DLG2: variants seen among roughly 807,000 people sequenced by gnomAD.
The protein encoded by DLG2 is disks large homolog 2.
DLG2 carries 45 observed loss-of-function variants against 132.5 expected under a neutral mutation model. That is an observed-to-expected ratio of 0.34 (90% CI 0.27 to 0.44). The LOEUF is 0.44. Ranked by LOEUF, DLG2 falls within the 20% of genes least tolerant of loss-of-function variation. The probability of loss-of-function intolerance (pLI) is 1.00; values close to 1 mark genes in which losing one functional copy is unlikely to be tolerated. For synonymous variants in DLG2, 424 were observed against 419.6 expected, an observed-to-expected ratio of 1.01 and a Z score of -0.13; for missense variants, 1,045 against 1,196.9, an observed-to-expected ratio of 0.87 and a Z score of 1.87.
intron 11 of DLG2, among the ~76,000 whole-genome samples, chr11:84,023,966 T>C (rs998873267): frequency 3.3e-5 from 5 of 152,180 alleles, no homozygotes; most frequent in Non-Finnish European, 5.9e-5. Context: ...GAATATCGTA[T>C]ATAATACATA....
At chr11:85,222,671 G>A (rs1452336507) in intron 4 of DLG2, among the ~76,000 whole-genome samples, 1 of 152,188 alleles carries the variant, frequency 6.6e-6, no homozygotes, top group Non-Finnish European at 1.5e-5. Context: ...CCCAGAGACT[G>A]TGCTTTTAAC....
chr11:84,503,410 T>C (rs569577973), intron 7 of DLG2, among the ~76,000 whole-genome samples: 5 of 152,302 alleles, frequency 3.3e-5, no homozygotes, highest in African/African-American at 9.6e-5. Flanking sequence ...TGAGTGAAGA[T>C]GATTTGAAGC....
intron 7 of DLG2, among the ~76,000 whole-genome samples, chr11:84,425,645 C>T (rs142144364): frequency 2.6e-5 from 4 of 152,128 alleles, no homozygotes; most frequent in Non-Finnish European, 5.9e-5. Flanking sequence ...GCTGAGATAA[C>T]AAGAGACAAA....
intron 18 of DLG2, among the ~76,000 whole-genome samples, chr11:83,649,478 G>A (rs2069360076): frequency 2.0e-5 from 3 of 152,134 alleles, no homozygotes; most frequent in African/African-American, 7.2e-5. Context: ...TTCTTTCTAT[G>A]CACAGAATGT....
intron 6 of DLG2, among the ~76,000 whole-genome samples, chr11:85,045,991 G>C (rs1329232919): frequency 2.0e-5 from 3 of 151,904 alleles, no homozygotes; most frequent in African/African-American, 7.3e-5. Flanking sequence ...TCTAAAACTA[G>C]GCCTACAATT....
chr11:83,606,408 G>T (rs1316133489), intron 19 of DLG2, among the ~76,000 whole-genome samples: 5 of 152,158 alleles, frequency 3.3e-5, no homozygotes, highest in African/African-American at 1.2e-4. Context: ...TTAGATGGGT[G>T]CAGCCAGAAG....
At chr11:84,123,199 A>G (rs1488584781) in intron 9 of DLG2, among the ~76,000 whole-genome samples, 1 of 152,208 alleles carries the variant, frequency 6.6e-6, no homozygotes, top group Non-Finnish European at 1.5e-5. Context: ...GCAAAAGGGC[A>G]TAATAATACT....
At chr11:84,566,580 G>A (rs1183876612) in intron 6 of DLG2, among the ~76,000 whole-genome samples, 1 of 152,126 alleles carries the variant, frequency 6.6e-6, no homozygotes, top group African/African-American at 2.4e-5. Context: ...TAAGCACTAA[G>A]GTTAAAAGGC....
chr11:85,104,872 C>CAAAAAAA (rs56043190), intron 6 of DLG2, among the ~76,000 whole-genome samples: 15 of 56,044 alleles, frequency 2.7e-4, no homozygotes, highest in African/African-American at 8.9e-4. Flanking sequence ...GGCTGAATGG[C>CAAAAAAA]AAAAAAAAAA....
chr11:83,958,071 C>A (rs1022161541), intron 14 of DLG2, among the ~76,000 whole-genome samples: 1 of 152,282 alleles, frequency 6.6e-6, no homozygotes, highest in South Asian at 2.1e-4. Context: ...GGGCAAGCAC[C>A]TTGACCAGTT....
At chr11:83,507,233 T>TA (rs2094750458) in intron 21 of DLG2, among the ~76,000 whole-genome samples, 1 of 152,018 alleles carries the variant, frequency 6.6e-6, no homozygotes, top group Admixed American at 6.6e-5. Context: ...TCCATGCTAC[T>TA]AGAAGTAGGG....
At chr11:84,420,586 T>C (rs1222549788) in intron 7 of DLG2, among the ~76,000 whole-genome samples, 1 of 149,470 alleles carries the variant, frequency 6.7e-6, no homozygotes, top group Non-Finnish European at 1.5e-5. Flanking sequence ...ATCAGGCCTT[T>C]AGAATGAGAT....
chr11:83,763,593 G>T (rs78761753), intron 18 of DLG2, among the ~76,000 whole-genome samples: 2,690 of 152,250 alleles, frequency 0.018, 83 homozygotes, highest in African/African-American at 0.061. Flanking sequence ...AAATGTGAAT[G>T]ATCACCATAT....
intron 3 of DLG2, among the ~76,000 whole-genome samples, chr11:85,350,073 G>T (rs1596435820): frequency 6.6e-6 from 1 of 152,188 alleles, no homozygotes; most frequent in Non-Finnish European, 1.5e-5. Flanking sequence ...TCCAGCATCT[G>T]TTGTTTCCTG....
intron 9 of DLG2, among the ~76,000 whole-genome samples, chr11:84,108,873 T>A (rs184944697): frequency 1.3e-5 from 2 of 152,186 alleles, no homozygotes; most frequent in African/African-American, 4.8e-5. Context: ...ATTTGAGGCA[T>A]AATTTGAAGG....
intron 15 of DLG2, among the ~76,000 whole-genome samples, chr11:83,874,839 T>A (rs1488193826): frequency 6.6e-6 from 1 of 152,158 alleles, no homozygotes; most frequent in Admixed American, 6.5e-5. Context: ...AAGAGTTAAT[T>A]TTTTTATAAT....
intron 6 of DLG2, among the ~76,000 whole-genome samples, chr11:84,710,831 A>C (rs2060300355): frequency 6.6e-6 from 1 of 151,384 alleles, no homozygotes; most frequent in Non-Finnish European, 1.5e-5. Flanking sequence ...CACAAATGGA[A>C]GTTTCAAAAA....
chr11:84,787,939 C>CAAAA (rs35771669), intron 6 of DLG2, among the ~76,000 whole-genome samples: 36,986 of 140,468 alleles, frequency 0.26, 5,293 homozygotes, highest in Middle Eastern at 0.31. Context: ...TCTCTACTTA[C>CAAAA]AAAAAAAAAA....
At chr11:85,476,106 T>A (rs2093133759) in intron 3 of DLG2, among the ~76,000 whole-genome samples, 1 of 152,134 alleles carries the variant, frequency 6.6e-6, no homozygotes, top group South Asian at 2.1e-4. Context: ...TACTACACAC[T>A]TAGGCTACAT....
Sources: gnomAD v4.1 joint callset for allele counts (sites outside exome capture counted in the v4.1 genomes callset) on GRCh38, gnomAD v4.1.1 for gene constraint, MANE v1.5 for transcripts, NCBI Gene and HGNC (gene_info 2026-07-23, HGNC 2026-07-21) for gene names.